The following ATG12 variants were observed in gnomAD, a reference collection of about 807,000 sequenced individuals.
The protein encoded by ATG12 is ubiquitin-like protein ATG12.
Under a neutral mutation model 17.6 loss-of-function variants are expected in ATG12, and 19 were observed. The observed-to-expected ratio is 1.08, with a 90% confidence interval of 0.75 to 1.58. The LOEUF (loss-of-function observed/expected upper bound fraction) is 1.58. Ranked by LOEUF, ATG12 falls within the 40% of genes most tolerant of loss-of-function variation. ATG12 has a pLI of 0.00. For missense variants in ATG12, 214 were observed against 162.0 expected, an observed-to-expected ratio of 1.32 and a Z score of -1.74; for synonymous variants, 75 against 62.4, an observed-to-expected ratio of 1.20 and a Z score of -0.95.
intron 1 of ATG12, chr5:115,838,225 C>T (rs1761186438): frequency 6.6e-6 from 1 of 152,248 alleles, no homozygotes; most frequent in Non-Finnish European, 1.5e-5. Context: ...TTCAATAATA[C>T]TTCTAGGAAT....
Position 115,829,145 on chromosome 5 carries a change from T to C in ATG12, c.*2659A>G, listed in dbSNP as rs559284860. 10 of 152,344 alleles carry C rather than the reference T, an allele frequency of 6.6e-5. No homozygotes were observed. The highest frequency in any genetic ancestry group is 1.3e-4 in the Non-Finnish European group (9 of 68,020). 9.4% of individuals were successfully genotyped at this position (152,344 alleles called of 1,614,324 possible). Reference sequence around the variant, plus strand: ...AGTATTTGCTGAACTGTTTTCTGAATAGTTTTCATTACGTGGCCTGTAGCT... The same window carrying C: ...AGTATTTGCTGAACTGTTTTCTGAACAGTTTTCATTACGTGGCCTGTAGCT... On this transcript the variant is annotated 3_prime_UTR_variant, in exon 4 of 4. Transcript: ENST00000509910.
At chr5:115,833,279 ATTTTC>A (rs1345336690) in intron 2 of ATG12, 1 of 152,068 alleles carries the variant, frequency 6.6e-6, no homozygotes, top group Non-Finnish European at 1.5e-5. Context: ...CCCTTTAATA[ATTTTC>A]TTTTTGGAAA....
At chr5:115,835,915 T>C (rs1478422714) in intron 2 of ATG12, among the ~76,000 whole-genome samples, 1 of 152,120 alleles carries the variant, frequency 6.6e-6, no homozygotes, top group Non-Finnish European at 1.5e-5. Context: ...CAAATACTAA[T>C]CAGGGGTTTT....
chr5:115,831,985 A>T (rs1760888975), intron 3 of ATG12, 122 bp from the exon 4 acceptor site: 2 of 864,208 alleles, frequency 2.3e-6, no homozygotes, highest in African/African-American at 1.7e-5. Flanking sequence ...CCTATGTTAC[A>T]GGCTATCTCT....
At position 115,830,098 on chromosome 5, in the gene ATG12, C is replaced by G. The variant is rs1040439870; in HGVS notation, c.*1706G>C. The G allele has an allele frequency of 9.4e-6, 1 of 105,856 alleles. No homozygotes were observed. Among genetic ancestry groups the G allele is most frequent in the Non-Finnish European group, 1.8e-5 (1 of 55,450 alleles). 6.6% of individuals were successfully genotyped at this position (105,856 alleles called of 1,614,324 possible). On this transcript the variant is annotated 3_prime_UTR_variant, in exon 4 of 4. Coordinates refer to ENST00000509910, the MANE Select transcript of ATG12 (RefSeq NM_004707.4). ...TGCCATTACAGTCCAGCCTGGGCAA[C>G]AAGACCGAAACGCTGTCTCTTTAAA... is the stretch of plus-strand genomic sequence containing the variant.
chr5:115,831,730 C>T lies in ATG12; in HGVS notation c.*74G>A, dbSNP rs1760877817. 1 of 1,399,240 alleles carries T rather than the reference C, an allele frequency of 7.1e-7. No homozygotes were observed. Among genetic ancestry groups the T allele is most frequent in the Non-Finnish European group, 1.0e-6 (1 of 998,510 alleles). 86.7% of individuals were successfully genotyped at this position (1,399,240 alleles called of 1,614,324 possible). A position where few individuals can be genotyped will look rare whatever the true frequency, so the allele number is the denominator to read the frequency against. ...CATCTGTTAAGTCTCTTGCCACAAG[C>T]ATCAAAACTTTTCAGAGCTGTCTCT... On this transcript the variant is annotated 3_prime_UTR_variant, in exon 4 of 4. Transcript: ENST00000509910.
At chr5:115,837,831 G>T (rs1368668293) in intron 1 of ATG12, 67 bp from the exon 2 acceptor site, 2 of 1,319,780 alleles carry the variant, frequency 1.5e-6, no homozygotes, top group African/African-American at 3.0e-5. Context: ...GAATATAAAA[G>T]ACTTAGAAAT....
intron 2 of ATG12, among the ~76,000 whole-genome samples, chr5:115,836,321 C>A (rs767353511): frequency 8.5e-5 from 13 of 152,168 alleles, no homozygotes; most frequent in Non-Finnish European, 1.5e-4. Context: ...ACACAGAACA[C>A]AGTATCATTT....
intron 1 of ATG12, chr5:115,840,487 G>A (rs1207758574): frequency 4.8e-5 from 25 of 515,608 alleles, no homozygotes; most frequent in Non-Finnish European, 1.2e-5. Context: ...TAGTAGAGAT[G>A]GAGTCTTACC....
intron 1 of ATG12, among the ~76,000 whole-genome samples, chr5:115,840,146 G>C (rs1450322591): frequency 5.9e-5 from 9 of 152,184 alleles, no homozygotes; most frequent in African/African-American, 2.2e-4. Flanking sequence ...GAATTCTTTT[G>C]AAGAAAGATT....
In ATG12 at chr5:115,829,454, A is replaced by G. The variant is rs1254518928; in HGVS notation, c.*2350T>C. ...TTTCGGATAAACATTAATTTGCCTT[A>G]TTCCTTAAATATGGTGAATTCATTA... On this transcript the variant is annotated 3_prime_UTR_variant, in exon 4 of 4. Coordinates refer to ENST00000509910, the MANE Select transcript of ATG12 (RefSeq NM_004707.4). 1.3e-5 allele frequency: 2 copies of G among 152,216 alleles called. No individual in the cohort carries two copies. Among genetic ancestry groups the G allele is most frequent in the Admixed American group, 6.5e-5 (1 of 15,280 alleles). 9.4% of individuals were successfully genotyped at this position (152,216 alleles called of 1,614,324 possible).
chr5:115,838,386 A>G (rs1323100121), intron 1 of ATG12: 1 of 152,282 alleles, frequency 6.6e-6, no homozygotes, highest in Non-Finnish European at 1.5e-5. Context: ...AGTAAACCGC[A>G]TACACTTTTA....
chr5:115,830,733 T>C lies in ATG12; in HGVS notation c.*1071A>G, dbSNP rs1760836239. ...GATCTTGCCTTGCTAACCAGGCTGG[T>C]CTCAAACTTGTGGCTTCACGCAATC... is the stretch of plus-strand genomic sequence containing the variant. On this transcript the variant is annotated 3_prime_UTR_variant, in exon 4 of 4. Coordinates refer to ENST00000509910, the MANE Select transcript of ATG12 (RefSeq NM_004707.4). 1 of 152,138 alleles carries C rather than the reference T, an allele frequency of 6.6e-6. No homozygotes were observed. The highest frequency in any genetic ancestry group is 3.2e-3 in the Middle Eastern group (1 of 316). The allele number at this position is 152,138 out of a possible 1,614,324, so 9.4% of individuals were successfully genotyped here.
chr5:115,841,228 G>C, intron 1 of ATG12, 162 bp downstream of exon 1: 1 of 876,458 alleles, frequency 1.1e-6, no homozygotes. Context: ...TCAACTTAAA[G>C]GCCTTAAAAA....
In ATG12 at chr5:115,832,676, G is replaced by C; in HGVS notation, c.301-12C>G. ...TTCACATAAATAAACTACAAGAAAGGAAGGAAAAACAGAGATGTTTAATGG... is the reference window on the plus strand; with the variant it reads ...TTCACATAAATAAACTACAAGAAAGCAAGGAAAAACAGAGATGTTTAATGG... On this transcript the variant is annotated splice_polypyrimidine_tract_variant and intron_variant, in intron 2 of 3. Transcript: ENST00000509910. The C allele has an allele frequency of 6.7e-7, 1 of 1,503,030 alleles. No homozygotes were observed. The highest frequency in any genetic ancestry group is 8.8e-7 in the Non-Finnish European group (1 of 1,134,802). 93.1% of individuals were successfully genotyped at this position (1,503,030 alleles called of 1,614,324 possible).
intron 2 of ATG12, among the ~76,000 whole-genome samples, chr5:115,837,317 C>A (rs1195781612): frequency 6.6e-6 from 1 of 152,000 alleles, no homozygotes; most frequent in African/African-American, 2.4e-5. Context: ...CCCGTCTCTA[C>A]TAAAAACACA....
chr5:115,829,703 T>C lies in ATG12; in HGVS notation c.*2101A>G, dbSNP rs998520700. The C allele has an allele frequency of 1.3e-5, 2 of 152,232 alleles. No individual in the cohort carries two copies. Among genetic ancestry groups the C allele is most frequent in the Admixed American group, 6.5e-5 (1 of 15,284 alleles). 9.4% of individuals were successfully genotyped at this position (152,232 alleles called of 1,614,324 possible). ...TAAAAATAAATTGTGTTGTAGGTTCTAGTCACCCAATAACTTATCGGATCC... is the reference window on the plus strand; with the variant it reads ...TAAAAATAAATTGTGTTGTAGGTTCCAGTCACCCAATAACTTATCGGATCC... On this transcript the variant is annotated 3_prime_UTR_variant, in exon 4 of 4. Coordinates refer to ENST00000509910, the MANE Select transcript of ATG12 (RefSeq NM_004707.4).
rs768834948 is a variant in ATG12 at position 115,828,259 on chromosome 5, A to G, written c.*3545T>C. The G allele has an allele frequency of 6.6e-5, 10 of 152,148 alleles. No homozygotes were observed. In the South Asian group the frequency reaches 8.3e-4, roughly 13 times the overall value. 9.4% of individuals were successfully genotyped at this position (152,148 alleles called of 1,614,324 possible). ...ATATTTAGGACATAGTAGGCACTCAATATGTGAATGACAGGTTATACGAAC... is the reference window on the plus strand; with the variant it reads ...ATATTTAGGACATAGTAGGCACTCAGTATGTGAATGACAGGTTATACGAAC... On this transcript the variant is annotated 3_prime_UTR_variant, in exon 4 of 4. Coordinates refer to ENST00000509910, the MANE Select transcript of ATG12 (RefSeq NM_004707.4).
At chr5:115,835,970 A>G (rs938339019) in intron 2 of ATG12, among the ~76,000 whole-genome samples, 5 of 152,036 alleles carry the variant, frequency 3.3e-5, no homozygotes, top group African/African-American at 1.2e-4. Context: ...AATTTCAGAG[A>G]GATTCACGTG....
Sources: gnomAD v4.1 joint callset for allele counts (sites outside exome capture counted in the v4.1 genomes callset) on GRCh38, gnomAD v4.1.1 for gene constraint, MANE v1.5 for transcripts, NCBI Gene and HGNC (gene_info 2026-07-23, HGNC 2026-07-21) for gene names.